The following UBE3C variants were observed in gnomAD, a reference collection of about 807,000 sequenced individuals.
UBE3C encodes ubiquitin-protein ligase E3C.
In UBE3C, 42 loss-of-function variants were observed where a neutral mutation model predicts 129.4. That is an observed-to-expected ratio of 0.32 (90% CI 0.25 to 0.42). UBE3C has a LOEUF of 0.42. Among genes scored for constraint, UBE3C ranks in the 10% least tolerant of loss-of-function variants. The pLI is 1.00. For synonymous variants in UBE3C, 510 were observed against 492.4 expected (o/e 1.04, Z -0.47); for missense variants, 1,049 against 1,319.1 (o/e 0.80, Z 3.17).
At position 157,267,812 on chromosome 7, in the gene UBE3C, C is replaced by T; in HGVS notation, c.*57C>T. 1 of 1,462,598 alleles carries T rather than the reference C, an allele frequency of 6.8e-7. No individual in the cohort carries two copies. The highest frequency in any genetic ancestry group is 1.4e-5 in the South Asian group (1 of 69,760). 90.6% of individuals were successfully genotyped at this position (1,462,598 alleles called of 1,614,324 possible). A position where few individuals can be genotyped will look rare whatever the true frequency, so the allele number is the denominator to read the frequency against. ...ACCAGTGCTTCCTTCGTCAGCAGCG[C>T]CTCCCCAGACCCACGAGGATACTCA... On this transcript the variant is annotated 3_prime_UTR_variant, in exon 23 of 23. Transcript: ENST00000348165.
At chr7:157,226,330 C>T (rs547698576) in intron 17 of UBE3C, among the ~76,000 whole-genome samples, 4 of 152,228 alleles carry the variant, frequency 2.6e-5, no homozygotes, top group East Asian at 1.9e-4. Context: ...CTCACTGGCA[C>T]GTTTCGTCGT....
intron 16 of UBE3C, among the ~76,000 whole-genome samples, chr7:157,225,003 G>T (rs1034410425): frequency 2.6e-4 from 39 of 151,954 alleles, no homozygotes; most frequent in Admixed American, 2.2e-3. Flanking sequence ...CTATCGCAAG[G>T]GGTTTAAATT....
At chr7:157,181,084 T>C (rs1224119801) in intron 6 of UBE3C, among the ~76,000 whole-genome samples, 1 of 152,220 alleles carries the variant, frequency 6.6e-6, no homozygotes, top group East Asian at 1.9e-4. Flanking sequence ...GATCACAATA[T>C]GTGGTCCTTA....
intron 11 of UBE3C, among the ~76,000 whole-genome samples, chr7:157,203,865 A>G (rs1404401809): frequency 6.6e-6 from 1 of 152,210 alleles, no homozygotes; most frequent in South Asian, 2.1e-4. Context: ...TGAAAATATC[A>G]TAAGTTGAAA....
chr7:157,233,889 A>G (rs1205423167), intron 18 of UBE3C, among the ~76,000 whole-genome samples: 1 of 152,204 alleles, frequency 6.6e-6, no homozygotes, highest in African/African-American at 2.4e-5. Flanking sequence ...CATTACAGCC[A>G]TTCTAGTGGG....
At position 157,163,972 on chromosome 7, in the gene UBE3C, A is replaced by G. The variant is rs1808144917; in HGVS notation, c.120+109A>G. 4 of 1,004,344 alleles carry G rather than the reference A, an allele frequency of 4.0e-6. No individual in the cohort carries two copies. In the South Asian group the frequency reaches 4.4e-5, roughly 11 times the overall value. 62.2% of individuals were successfully genotyped at this position (1,004,344 alleles called of 1,614,324 possible). A position where few individuals can be genotyped will look rare whatever the true frequency, so the allele number is the denominator to read the frequency against. ...TGTGTGTATGTATTTTTTATATATGACAGAATGTGTGTGTATGTGTGTTTA... is the reference window on the plus strand; with the variant it reads ...TGTGTGTATGTATTTTTTATATATGGCAGAATGTGTGTGTATGTGTGTTTA... On this transcript the variant is annotated intron_variant, in intron 2 of 22. Transcript: ENST00000348165.
chr7:157,213,697 A>G (rs920071864), intron 13 of UBE3C, among the ~76,000 whole-genome samples: 6 of 152,216 alleles, frequency 3.9e-5, no homozygotes, highest in African/African-American at 1.4e-4. Flanking sequence ...CTTAGGAGAA[A>G]AATAGTTGAT....
intron 5 of UBE3C, among the ~76,000 whole-genome samples, chr7:157,178,095 CTT>C (rs1325486891): frequency 6.6e-6 from 1 of 152,016 alleles, no homozygotes; most frequent in Non-Finnish European, 1.5e-5. Context: ...CAAGAAGAAA[CTT>C]TCGGGAGTGG....
intron 19 of UBE3C, among the ~76,000 whole-genome samples, chr7:157,249,635 T>C (rs1490068099): frequency 2.0e-5 from 3 of 152,194 alleles, no homozygotes; most frequent in Non-Finnish European, 4.4e-5. Flanking sequence ...TTACGTGGTC[T>C]TCCTTCACTT....
intron 1 of UBE3C, 75 bp downstream of exon 1, chr7:157,139,413 G>T: frequency 6.5e-6 from 9 of 1,387,788 alleles, no homozygotes; most frequent in Non-Finnish European, 8.5e-6. Context: ...ACTCGGGGCT[G>T]GACTCGGGGC....
At chr7:157,143,798 T>C (rs1807525798) in intron 1 of UBE3C, among the ~76,000 whole-genome samples, 1 of 152,048 alleles carries the variant, frequency 6.6e-6, no homozygotes, top group Non-Finnish European at 1.5e-5. Flanking sequence ...GATGCAGATT[T>C]GGGGGTTATC....
chr7:157,245,612 A>G (rs1037607803), intron 18 of UBE3C, among the ~76,000 whole-genome samples: 6 of 152,234 alleles, frequency 3.9e-5, no homozygotes, highest in African/African-American at 1.4e-4. Context: ...CTATCTTTTC[A>G]AAATTAATTG....
intron 18 of UBE3C, among the ~76,000 whole-genome samples, chr7:157,243,158 T>C (rs532818483): frequency 6.6e-6 from 1 of 152,294 alleles, no homozygotes; most frequent in East Asian, 1.9e-4. Context: ...GATGTGCACG[T>C]GTCCTCCACG....
At chr7:157,195,567 G>A (rs1809095655) in intron 10 of UBE3C, among the ~76,000 whole-genome samples, 2 of 152,160 alleles carry the variant, frequency 1.3e-5, no homozygotes, top group Non-Finnish European at 1.5e-5. Flanking sequence ...TTTTGAACAG[G>A]AATGTGTATA....
At chr7:157,193,210 C>T (rs933633968) in intron 10 of UBE3C, among the ~76,000 whole-genome samples, 1 of 152,148 alleles carries the variant, frequency 6.6e-6, no homozygotes, top group African/African-American at 2.4e-5. Context: ...TTATCTGATG[C>T]AAATTATTAT....
At chr7:157,166,295 T>G (rs973894445) in intron 2 of UBE3C, among the ~76,000 whole-genome samples, 2 of 152,240 alleles carry the variant, frequency 1.3e-5, no homozygotes, top group African/African-American at 4.8e-5. Flanking sequence ...TATTTTGTAT[T>G]TCTTTAAATG....
chr7:157,181,782 T>A, intron 7 of UBE3C, 111 bp downstream of exon 7: 1 of 1,363,126 alleles, frequency 7.3e-7, no homozygotes, highest in Non-Finnish European at 1.0e-6. Flanking sequence ...AGGTTTTTAC[T>A]TTATTAGTGT....
rs1397970358 is a variant in UBE3C, at chr7:157,264,768, G to C, written c.3082-2817G>C. Among the ~76,000 whole-genome samples the C allele has an allele frequency of 3.9e-5, 6 of 152,150 alleles. No individual in the cohort carries two copies. The South Asian group carries it at 6.2e-4, about 16-fold the overall frequency. The stretch of plus-strand genomic sequence containing the variant: ...TTATTTTTAGTAGAGATGGGGTTTC[G>C]CCATGTTGGTCAGGCTGGTCTCAGA... On this transcript the variant is annotated intron_variant, in intron 22 of 22. Coordinates refer to ENST00000348165, the MANE Select transcript of UBE3C (RefSeq NM_014671.3).
intron 9 of UBE3C, among the ~76,000 whole-genome samples, chr7:157,185,790 A>T (rs1404289363): frequency 3.3e-5 from 5 of 152,100 alleles, no homozygotes; most frequent in Non-Finnish European, 5.9e-5. Context: ...TCTCATTCTG[A>T]TGTACTTTTG....
Sources: gnomAD v4.1 joint callset for allele counts (sites outside exome capture counted in the v4.1 genomes callset) on GRCh38, gnomAD v4.1.1 for gene constraint, MANE v1.5 for transcripts, NCBI Gene and HGNC (gene_info 2026-07-23, HGNC 2026-07-21) for gene names.